The following HDAC9 variants were observed in gnomAD, a reference collection of about 807,000 sequenced individuals.
The protein encoded by HDAC9 is MEF-2 interacting transcription repressor (MITR) protein.
HDAC9 carries 41 observed loss-of-function variants against 139.4 expected under a neutral mutation model. The ratio of observed to expected loss-of-function variants is 0.29; its 90% confidence interval spans 0.23 to 0.38. The LOEUF (loss-of-function observed/expected upper bound fraction) is 0.38. Ranked by LOEUF, HDAC9 falls within the 10% of genes least tolerant of loss-of-function variation. HDAC9 has a pLI of 1.00. For missense variants in HDAC9, 1,147 were observed against 1,297.0 expected (o/e 0.88, Z 1.78); for synonymous variants, 517 against 476.2 (o/e 1.09, Z -1.12).
chr7:18,280,223 G>A (rs573749348), intron 2 of HDAC9, among the ~76,000 whole-genome samples: 8 of 152,212 alleles, frequency 5.3e-5, no homozygotes, highest in South Asian at 2.1e-4. Context: ...AGGCCAAGGC[G>A]GAAGGATTGC....
At chr7:18,257,438 A>ACACACACACACACACACACACAC (rs1562802142) in intron 2 of HDAC9, among the ~76,000 whole-genome samples, 5 of 132,500 alleles carry the variant, frequency 3.8e-5, no homozygotes, top group African/African-American at 1.1e-4. Context: ...CACACACACA[A>ACACACACACACACACACACACAC]AAAGAAAAAA....
chr7:18,892,503 A>G (rs906677300), intron 22 of HDAC9: 3 of 152,150 alleles, frequency 2.0e-5, no homozygotes, highest in Admixed American at 2.0e-4. Flanking sequence ...CTACATTTAT[A>G]TCAGAAATTG....
chr7:18,964,148 A>C (rs1048885741), intron 24 of HDAC9, among the ~76,000 whole-genome samples: 1 of 152,236 alleles, frequency 6.6e-6, no homozygotes, highest in East Asian at 1.9e-4. Flanking sequence ...TACCAAACCT[A>C]AATGGGCCCA....
chr7:18,502,699 T>G (rs529277910), intron 2 of HDAC9: 1 of 152,274 alleles, frequency 6.6e-6, no homozygotes, highest in African/African-American at 2.4e-5. Context: ...TAGATTGCCT[T>G]TCTTAGTACT....
intron 2 of HDAC9, among the ~76,000 whole-genome samples, chr7:18,573,579 C>T (rs974823948): frequency 3.9e-5 from 6 of 152,150 alleles, no homozygotes; most frequent in African/African-American, 7.2e-5. Context: ...CTGCCAAGTA[C>T]GAGCAAGGCG....
intron 1 of HDAC9, among the ~76,000 whole-genome samples, chr7:18,290,934 A>G (rs1218544491): frequency 6.6e-6 from 1 of 152,142 alleles, no homozygotes; most frequent in Non-Finnish European, 1.5e-5. Context: ...GTGGTTGAAA[A>G]TGTTTGTTGC....
intron 19 of HDAC9, among the ~76,000 whole-genome samples, chr7:18,832,784 G>T (rs1433879996): frequency 6.6e-6 from 1 of 151,906 alleles, no homozygotes; most frequent in Non-Finnish European, 1.5e-5. Flanking sequence ...TGCCCAGGCT[G>T]GAGTGCAATG....
intron 21 of HDAC9, among the ~76,000 whole-genome samples, chr7:18,868,786 A>G (rs1798685205): frequency 6.6e-6 from 1 of 151,482 alleles, no homozygotes; most frequent in Admixed American, 6.6e-5. Flanking sequence ...GCAGGACTCT[A>G]CTCTTCCCAC....
chr7:18,380,555 G>C (rs1785342769), intron 1 of HDAC9, among the ~76,000 whole-genome samples: 2 of 152,200 alleles, frequency 1.3e-5, no homozygotes, highest in Admixed American at 1.3e-4. Flanking sequence ...TGCAGCAATT[G>C]ACTGTATGGC....
At chr7:18,899,935 G>C (rs1220795957) in intron 22 of HDAC9, among the ~76,000 whole-genome samples, 1 of 152,002 alleles carries the variant, frequency 6.6e-6, no homozygotes, top group East Asian at 1.9e-4. Context: ...CTGAAATAAA[G>C]TGTTGTTTGA....
chr7:18,582,070 A>G (rs1183308055), intron 2 of HDAC9, among the ~76,000 whole-genome samples: 3 of 152,200 alleles, frequency 2.0e-5, no homozygotes, highest in African/African-American at 4.8e-5. Flanking sequence ...TGGACATTCA[A>G]CTCAGATGAC....
At chr7:18,805,195 GGGAAGGACAGTAA>G (rs1340626633) in intron 17 of HDAC9, among the ~76,000 whole-genome samples, 2 of 152,228 alleles carry the variant, frequency 1.3e-5, no homozygotes, top group African/African-American at 4.8e-5. Context: ...GCAAGAGAAG[GGGAAGGACAGTAA>G]GGAAATCACT....
At chr7:18,306,793 C>G (rs922308415) in intron 1 of HDAC9, among the ~76,000 whole-genome samples, 1 of 152,094 alleles carries the variant, frequency 6.6e-6, no homozygotes, top group Non-Finnish European at 1.5e-5. Context: ...AATATAAATT[C>G]TTCACTCCAA....
intron 1 of HDAC9, among the ~76,000 whole-genome samples, chr7:18,469,414 A>G (rs1794554936): frequency 6.6e-6 from 1 of 152,206 alleles, no homozygotes; most frequent in Non-Finnish European, 1.5e-5. Context: ...ATTTCTGGGA[A>G]ATACCAGATC....
intron 1 of HDAC9, among the ~76,000 whole-genome samples, chr7:18,383,267 AT>A (rs1178421283): frequency 2.0e-5 from 3 of 152,226 alleles, no homozygotes; most frequent in African/African-American, 7.2e-5. Context: ...GGGATGGCAC[AT>A]TTGTGGCACA....
At chr7:18,981,032 A>G (rs1342381814) in intron 25 of HDAC9, among the ~76,000 whole-genome samples, 4 of 151,876 alleles carry the variant, frequency 2.6e-5, no homozygotes, top group Non-Finnish European at 2.9e-5. Flanking sequence ...TTACCGTGTT[A>G]GTCAGATGGT....
chr7:18,576,528 G>C (rs1363303696), intron 2 of HDAC9, among the ~76,000 whole-genome samples: 10 of 152,084 alleles, frequency 6.6e-5, no homozygotes, highest in Admixed American at 6.5e-4. Context: ...CAGGCATGCT[G>C]GTGCACACCT....
intron 1 of HDAC9, among the ~76,000 whole-genome samples, chr7:18,137,373 G>C (rs1184737280): frequency 6.6e-6 from 1 of 150,724 alleles, no homozygotes; most frequent in Non-Finnish European, 1.5e-5. Flanking sequence ...GGGCATCCCT[G>C]TCTTATGCCA....
At chr7:18,927,585 T>A (rs1804349594) in intron 22 of HDAC9, among the ~76,000 whole-genome samples, 1 of 152,162 alleles carries the variant, frequency 6.6e-6, no homozygotes, top group Non-Finnish European at 1.5e-5. Context: ...ATGAGAAAAA[T>A]TTAATTTCAA....
Sources: allele counts gnomAD v4.1 joint callset (sites outside exome capture counted in the v4.1 genomes callset), GRCh38; gene constraint gnomAD v4.1.1; transcripts MANE v1.5; gene names NCBI Gene and HGNC (gene_info 2026-07-23, HGNC 2026-07-21).